Variants in ADAMTS17 observed in about 807,000 individuals in gnomAD.
The protein encoded by ADAMTS17 is A disintegrin and metalloproteinase with thrombospondin motifs 17.
Under a neutral mutation model 141.5 loss-of-function variants are expected in ADAMTS17, and 113 were observed. The observed-to-expected ratio is 0.80, with a 90% CI of 0.69 to 0.93. The LOEUF (loss-of-function observed/expected upper bound fraction) is 0.93. Among genes scored for constraint, ADAMTS17 ranks in the 40% least tolerant of loss-of-function variants. The pLI is 0.00. For missense variants in ADAMTS17, 1,659 were observed against 1,517.9 expected, an observed-to-expected ratio of 1.09 and a Z score of -1.54; for synonymous variants, 768 against 630.6, an observed-to-expected ratio of 1.22 and a Z score of -3.27.
Position 99,976,113 on chromosome 15 carries a change from T to C in ADAMTS17, c.3059A>G (p.Tyr1020Cys). ...GCAGACCTCCTGGTAGCACTGTCTG[T>C]AGGGGGCAGGCTTCGAGAGGGCGGG... is the stretch of plus-strand genomic sequence containing the variant. ...ECPALSKPAP[Y>C]RQCYQEVCND... Residue 1020 changes from tyrosine to cysteine, a missense_variant, in exon 21 of 22, where the codon TAC (tyrosine) becomes TGC (cysteine). Coordinates refer to ENST00000268070, the MANE Select transcript of ADAMTS17 (RefSeq NM_139057.4). 1 of 1,551,528 alleles carries C rather than the reference T, an allele frequency of 6.4e-7. No individual in the cohort carries two copies. The highest frequency in any genetic ancestry group is 8.7e-7 in the Non-Finnish European group (1 of 1,146,974).
At chr15:100,095,710 CAGG>C (rs961277022) in intron 15 of ADAMTS17, among the ~76,000 whole-genome samples, 27 of 152,100 alleles carry the variant, frequency 1.8e-4, no homozygotes, top group African/African-American at 6.5e-4. Context: ...TCCTCCAGGA[CAGG>C]AGATCAGAAA....
At chr15:100,210,915 C>T (rs575503538) in intron 7 of ADAMTS17, among the ~76,000 whole-genome samples, 1 of 152,188 alleles carries the variant, frequency 6.6e-6, no homozygotes, top group African/African-American at 2.4e-5. Flanking sequence ...TCCTGGCTAA[C>T]ATGGTGAAAC....
chr15:100,091,970 G>A (rs986498916), intron 15 of ADAMTS17, among the ~76,000 whole-genome samples: 9 of 152,226 alleles, frequency 5.9e-5, no homozygotes, highest in Admixed American at 1.3e-4. Flanking sequence ...GCCTTGGTTC[G>A]CCCCTCAGAA....
intron 3 of ADAMTS17, among the ~76,000 whole-genome samples, chr15:100,292,477 C>T (rs987898164): frequency 2.6e-5 from 4 of 151,206 alleles, no homozygotes; most frequent in Non-Finnish European, 5.9e-5. Flanking sequence ...AGATACTCAC[C>T]CCGTGTGAAA....
intron 15 of ADAMTS17, among the ~76,000 whole-genome samples, chr15:100,087,318 A>G (rs1050161319): frequency 3.3e-5 from 5 of 152,206 alleles, no homozygotes; most frequent in Non-Finnish European, 7.3e-5. Context: ...TAGACCAATA[A>G]CAGGCTCAAA....
intron 19 of ADAMTS17, among the ~76,000 whole-genome samples, chr15:99,996,984 C>T (rs2060814935): frequency 6.6e-6 from 1 of 152,200 alleles, no homozygotes. Flanking sequence ...TCCCTCCTGG[C>T]ATCTGACTCT....
intron 3 of ADAMTS17, among the ~76,000 whole-genome samples, chr15:100,330,243 A>G (rs903597624): frequency 6.6e-6 from 1 of 152,248 alleles, no homozygotes; most frequent in Non-Finnish European, 1.5e-5. Flanking sequence ...ACCCCAGACT[A>G]AAACAGATCA....
intron 10 of ADAMTS17, among the ~76,000 whole-genome samples, chr15:100,142,331 G>A (rs939887491): frequency 6.6e-6 from 1 of 152,166 alleles, no homozygotes; most frequent in Non-Finnish European, 1.5e-5. Context: ...CCCAGGTAGA[G>A]GTACTGGACA....
chr15:100,206,486 C>A (rs935041769), intron 7 of ADAMTS17, among the ~76,000 whole-genome samples: 3 of 152,192 alleles, frequency 2.0e-5, no homozygotes, highest in Non-Finnish European at 2.9e-5. Flanking sequence ...TGCTTGGCGC[C>A]TATTTCGGTC....
intron 7 of ADAMTS17, among the ~76,000 whole-genome samples, chr15:100,232,783 A>C (rs2042526909): frequency 6.6e-6 from 1 of 151,472 alleles, no homozygotes; most frequent in African/African-American, 2.4e-5. Context: ...CTGCCTCCTC[A>C]CAGTTCTTCA....
chr15:100,136,914 C>T (rs1567235247), intron 10 of ADAMTS17, among the ~76,000 whole-genome samples: 1 of 152,126 alleles, frequency 6.6e-6, no homozygotes, highest in South Asian at 2.1e-4. Context: ...GAAAAGAGCT[C>T]GGGCTGTGCA....
chr15:100,268,154 A>G (rs2043785019), intron 4 of ADAMTS17, among the ~76,000 whole-genome samples: 1 of 152,060 alleles, frequency 6.6e-6, no homozygotes, highest in Non-Finnish European at 1.5e-5. Flanking sequence ...GCTGTGTAGT[A>G]TTCTATGGTG....
intron 15 of ADAMTS17, among the ~76,000 whole-genome samples, chr15:100,081,506 CATGTGAATTCT>C (rs1465142331): frequency 6.6e-6 from 1 of 152,154 alleles, no homozygotes; most frequent in African/African-American, 2.4e-5. Flanking sequence ...AATTATATGG[CATGTGAATTCT>C]ATCTTTATAA....
intron 7 of ADAMTS17, among the ~76,000 whole-genome samples, chr15:100,213,888 G>A (rs1045544268): frequency 5.3e-5 from 8 of 152,362 alleles, no homozygotes; most frequent in African/African-American, 1.9e-4. Flanking sequence ...AGATAGAGGT[G>A]CTGAGCCCCT....
At chr15:100,215,437 TA>T (rs1228804466) in intron 7 of ADAMTS17, among the ~76,000 whole-genome samples, 3 of 152,204 alleles carry the variant, frequency 2.0e-5, no homozygotes, top group East Asian at 1.9e-4. Flanking sequence ...ACCTCACTGC[TA>T]GCCTTGATTT....
Position 99,976,117 on chromosome 15 carries a change from G to C in ADAMTS17, c.3055C>G (p.Pro1019Ala). The C allele has an allele frequency of 6.4e-7, 1 of 1,551,486 alleles. No homozygotes were observed. Among genetic ancestry groups the C allele is most frequent in the Non-Finnish European group, 8.7e-7 (1 of 1,146,986 alleles). Residue 1019 changes from proline to alanine, a missense_variant, in exon 21 of 22, where the codon CCC (proline) becomes GCC (alanine). By Grantham distance (27) the Pro-to-Ala change is conservative. Coordinates refer to ENST00000268070, the MANE Select transcript of ADAMTS17 (RefSeq NM_139057.4). ...SECPALSKPA[P>A]YRQCYQEVCN... is the part of the protein sequence containing the mutation. ...ACCTCCTGGTAGCACTGTCTGTAGG[G>C]GGCAGGCTTCGAGAGGGCGGGGCAC...
At chr15:100,148,626 T>C (rs963280922) in intron 10 of ADAMTS17, among the ~76,000 whole-genome samples, 1 of 152,130 alleles carries the variant, frequency 6.6e-6, no homozygotes, top group Non-Finnish European at 1.5e-5. Flanking sequence ...ATATAACTTA[T>C]CTGTTTTTCC....
intron 15 of ADAMTS17, among the ~76,000 whole-genome samples, chr15:100,091,139 C>G (rs900765249): frequency 2.0e-5 from 3 of 151,862 alleles, no homozygotes; most frequent in Non-Finnish European, 4.4e-5. Flanking sequence ...TGACCCAGAG[C>G]TCAAAGTCCA....
chr15:100,159,005 C>T (rs2039567103), intron 8 of ADAMTS17, among the ~76,000 whole-genome samples: 1 of 152,066 alleles, frequency 6.6e-6, no homozygotes, highest in South Asian at 2.1e-4. Context: ...ATTAAAACCC[C>T]TGCATGGCGT....
Sources: allele counts gnomAD v4.1 joint callset (sites outside exome capture counted in the v4.1 genomes callset), GRCh38; gene constraint gnomAD v4.1.1; transcripts MANE v1.5; gene names NCBI Gene and HGNC (gene_info 2026-07-23, HGNC 2026-07-21).